NCAPD3: variants seen among roughly 807,000 people sequenced by gnomAD.
NCAPD3 encodes condensin-2 complex subunit D3.
NCAPD3 carries 105 observed loss-of-function variants against 182.9 expected under a neutral mutation model. The ratio of observed to expected loss-of-function variants is 0.57; its 90% CI spans 0.49 to 0.68. The LOEUF is 0.68. Ranked by LOEUF, NCAPD3 falls within the 30% of genes least tolerant of loss-of-function variation. NCAPD3 has a pLI of 0.00. For missense variants in NCAPD3, 1,944 were observed against 1,837.0 expected, an observed-to-expected ratio of 1.06 and a Z score of -1.07; for synonymous variants, 815 against 679.9, an observed-to-expected ratio of 1.20 and a Z score of -3.09.
At chr11:134,224,277 T>C (rs1938366121), upstream of NCAPD3, 1 of 381,028 alleles carries the variant, frequency 2.6e-6, no homozygotes, top group East Asian at 5.8e-5. Flanking sequence ...CTTCCGGTAG[T>C]AACTGTCACC....
chr11:134,201,758 C>G (rs1016338325), intron 13 of NCAPD3, among the ~76,000 whole-genome samples: 1 of 152,208 alleles, frequency 6.6e-6, no homozygotes, highest in African/African-American at 2.4e-5. Flanking sequence ...CCTGTTTAGA[C>G]GAAGTCTGGA....
At chr11:134,217,511 C>A (rs745902264) in intron 2 of NCAPD3, among the ~76,000 whole-genome samples, 2 of 152,036 alleles carry the variant, frequency 1.3e-5, no homozygotes, top group African/African-American at 4.8e-5. Flanking sequence ...GAAATCAGAG[C>A]CCTTTATTTA....
In NCAPD3 at chr11:134,161,863, A is replaced by G. The variant is rs1210107283; in HGVS notation, c.3602T>C (p.Ile1201Thr). Residue 1201 changes from isoleucine to threonine, a missense_variant, in exon 28 of 35, where the codon ATT (isoleucine) becomes ACT (threonine). By Grantham distance (89) the Ile-to-Thr change is moderately conservative (BLOSUM62 -1). This residue lies in a region of NCAPD3 where 1,803 missense variants were observed against 1,674.6 expected (regional missense o/e 1.08). Transcript: ENST00000534548. ...QVQKRNFIENIIPIIISLKTV... is the reference protein window; with the variant it reads ...QVQKRNFIENTIPIIISLKTV... ...CTTCAGGGAGATGATAATTGGAATA[A>G]TATTTTCTATGAAATTCCTCTTCTG... 5.1e-6 allele frequency: 8 copies of G among 1,570,610 alleles called. No individual in the cohort carries two copies. The highest frequency in any genetic ancestry group is 7.0e-6 in the Non-Finnish European group (8 of 1,149,280).
intron 2 of NCAPD3, among the ~76,000 whole-genome samples, chr11:134,219,771 C>G (rs1938159678): frequency 6.6e-6 from 1 of 152,104 alleles, no homozygotes; most frequent in Non-Finnish European, 1.5e-5. Context: ...GTTAATTCAA[C>G]TAGTCATTCC....
intron 29 of NCAPD3, among the ~76,000 whole-genome samples, chr11:134,159,016 G>A (rs185357033): frequency 1.3e-5 from 2 of 152,250 alleles, no homozygotes; most frequent in East Asian, 3.9e-4. Flanking sequence ...ACTTTTTATA[G>A]ATGAAAAGTA....
In NCAPD3 at chr11:134,181,124, T is replaced by C. The variant is rs372192269; in HGVS notation, c.2512A>G (p.Ile838Val). ...LSTCEHRLSN[I>V]VLKENGTGNM... ...CCTGTTCCATTCTCCTTGAGAACGA[T>C]GTTGGAGAGGCGGTGCTCGCAGGTG... The change falls in exon 20 of 35, where the codon ATC becomes GTC. Residue 838 changes from isoleucine to valine, a missense_variant. Around this residue, in one of 3 missense-constraint regions of NCAPD3, gnomAD observed 1,803 missense variants for 1,674.6 expected, o/e 1.08. Transcript: ENST00000534548. 25 of 1,614,138 alleles carry C rather than the reference T, an allele frequency of 1.5e-5. No individual in the cohort carries two copies. In the East Asian group the frequency reaches 2.2e-4, roughly 14 times the overall value.
At position 134,202,813 on chromosome 11, in the gene NCAPD3, T is replaced by C. The variant is rs776801853; in HGVS notation, c.1615+3A>G. 1.0e-5 allele frequency: 16 copies of C among 1,592,174 alleles called. No homozygotes were observed. Among genetic ancestry groups the C allele is most frequent in the Non-Finnish European group, 1.3e-5 (15 of 1,167,892 alleles). ...TATCTGACAGTGATAAAATCTGACA[T>C]ACCTCCAGATCCAACTGTTTCACCA... On this transcript the variant is annotated splice_donor_region_variant and intron_variant, in intron 13 of 34. Coordinates refer to ENST00000534548, the MANE Select transcript of NCAPD3 (RefSeq NM_015261.3).
At chr11:134,163,885 A>AAAG (rs1555126927) in intron 27 of NCAPD3, among the ~76,000 whole-genome samples, 4 of 150,490 alleles carry the variant, frequency 2.7e-5, no homozygotes, top group African/African-American at 9.8e-5. Flanking sequence ...AAAAAAAAAA[A>AAAG]AAAAAAAGAA....
At chr11:134,188,055 T>A (rs899215958) in intron 16 of NCAPD3, among the ~76,000 whole-genome samples, 1 of 152,196 alleles carries the variant, frequency 6.6e-6, no homozygotes, top group Admixed American at 6.6e-5. Context: ...CCAGTTGGAC[T>A]TCCTGGGTCA....
At position 134,177,444 on chromosome 11, in the gene NCAPD3, T is replaced by C. The variant is rs772403370; in HGVS notation, c.2796A>G (p.Leu932=). 2.6e-5 allele frequency: 42 copies of C among 1,613,160 alleles called. No individual in the cohort carries two copies. The highest frequency in any genetic ancestry group is 3.3e-5 in the Non-Finnish European group (39 of 1,179,266). Residue 932 remains leucine (L), a synonymous_variant, in exon 23 of 35, where the codon TTA becomes TTG. Transcript: ENST00000534548. ...HAIITLGKLC[L]QHEDLAKKSI... ...TCTTCTTTGCCAGATCCTCGTGCTGTAAGCACAGCTTACCTGGCACAGAAG... is the reference window on the plus strand; with the variant it reads ...TCTTCTTTGCCAGATCCTCGTGCTGCAAGCACAGCTTACCTGGCACAGAAG...
chr11:134,194,562 A>C, intron 14 of NCAPD3, 103 bp downstream of exon 14: 1 of 743,734 alleles, frequency 1.3e-6, no homozygotes, highest in Non-Finnish European at 2.1e-6. Context: ...TTAGGCGAAA[A>C]GCAAATTAAG....
At chr11:134,216,510 T>C (rs1333811666) in intron 3 of NCAPD3, among the ~76,000 whole-genome samples, 2 of 152,220 alleles carry the variant, frequency 1.3e-5, no homozygotes, top group African/African-American at 2.4e-5. Flanking sequence ...ACTAGCTGCT[T>C]TCCTGCTTTC....
intron 27 of NCAPD3, among the ~76,000 whole-genome samples, chr11:134,167,408 T>A (rs1292443230): frequency 2.0e-5 from 2 of 101,046 alleles, no homozygotes; most frequent in Non-Finnish European, 4.2e-5. Flanking sequence ...GCACACTCAC[T>A]TGTGAGATGA....
intron 13 of NCAPD3, among the ~76,000 whole-genome samples, chr11:134,196,369 C>A (rs543713146): frequency 1.3e-5 from 2 of 152,188 alleles, no homozygotes; most frequent in African/African-American, 4.8e-5. Flanking sequence ...AGTGGCCAGG[C>A]GCGGTGGCTC....
chr11:134,160,161 A>G, intron 28 of NCAPD3, 87 bp from the exon 29 acceptor site: 1 of 1,383,850 alleles, frequency 7.2e-7, no homozygotes, highest in Non-Finnish European at 9.9e-7. Context: ...TCGCCTGTGT[A>G]ACAAACCTGC....
intron 2 of NCAPD3, among the ~76,000 whole-genome samples, chr11:134,219,104 C>T (rs1938132210): frequency 6.6e-6 from 1 of 152,190 alleles, no homozygotes; most frequent in Non-Finnish European, 1.5e-5. Context: ...CATCCCGTTC[C>T]ACCACACTTT....
chr11:134,212,553 C>T (rs984720131), intron 3 of NCAPD3, among the ~76,000 whole-genome samples: 1 of 151,986 alleles, frequency 6.6e-6, no homozygotes, highest in African/African-American at 2.4e-5. Flanking sequence ...GGCTAATTTT[C>T]ATTTTTTGTT....
At chr11:134,201,291 C>T (rs112450671) in intron 13 of NCAPD3, among the ~76,000 whole-genome samples, 11,182 of 152,038 alleles carry the variant, frequency 0.074, 1,400 homozygotes, top group African/African-American at 0.25. Context: ...TCCCAATGTG[C>T]CAGGATTACC....
At chr11:134,224,081 C>G, upstream of NCAPD3, 5 of 873,584 alleles carry the variant, frequency 5.7e-6, no homozygotes, top group South Asian at 6.6e-5. Flanking sequence ...AACCAATCAC[C>G]GGCGTCGTCC....
Sources: allele counts gnomAD v4.1 joint callset (sites outside exome capture counted in the v4.1 genomes callset), GRCh38; gene constraint gnomAD v4.1.1; regional missense constraint gnomAD v4.1.1; transcripts MANE v1.5; gene names NCBI Gene and HGNC (gene_info 2026-07-23, HGNC 2026-07-21).